The following AUTS2 variants were observed in gnomAD, a reference collection of about 807,000 sequenced individuals.
AUTS2 encodes activator of transcription and developmental regulator AUTS2, also known as autism susceptibility gene 2 protein.
AUTS2 carries 17 observed loss-of-function variants against 112.4 expected under a neutral mutation model. That is an observed-to-expected ratio of 0.15 (90% CI 0.10 to 0.23). AUTS2 has a LOEUF of 0.23. AUTS2 is among the 10% of genes least tolerant of loss of function. The pLI is 1.00. For synonymous variants in AUTS2, 751 were observed against 702.7 expected (o/e 1.07, Z -1.09); for missense variants, 1,510 against 1,701.6 (o/e 0.89, Z 1.98).
At chr7:69,813,443 T>C (rs1322047365) in intron 1 of AUTS2, among the ~76,000 whole-genome samples, 1 of 152,204 alleles carries the variant, frequency 6.6e-6, no homozygotes, top group Non-Finnish European at 1.5e-5. Flanking sequence ...GTTGGAGCAG[T>C]TGGGCACTGC....
intron 2 of AUTS2, among the ~76,000 whole-genome samples, chr7:69,949,953 G>T (rs1188682440): frequency 6.6e-6 from 1 of 152,112 alleles, no homozygotes; most frequent in African/African-American, 2.4e-5. Context: ...TCTTAACTCT[G>T]GTGTGTACTT....
chr7:69,661,299 G>C (rs1003572850), intron 1 of AUTS2, among the ~76,000 whole-genome samples: 1 of 152,202 alleles, frequency 6.6e-6, no homozygotes, highest in South Asian at 2.1e-4. Context: ...ATTGGATCAA[G>C]TTGACAATAA....
intron 4 of AUTS2, among the ~76,000 whole-genome samples, chr7:70,375,485 C>G (rs1423155128): frequency 6.6e-6 from 1 of 152,182 alleles, no homozygotes; most frequent in African/African-American, 2.4e-5. Flanking sequence ...TTACGTCCAA[C>G]TAGGTAGTAT....
chr7:70,690,464 A>G (rs982198655), intron 5 of AUTS2, among the ~76,000 whole-genome samples: 3 of 152,212 alleles, frequency 2.0e-5, no homozygotes, highest in African/African-American at 7.2e-5. Context: ...CACCTCAAGA[A>G]GCACACAGCA....
chr7:70,653,727 G>GAATGACTAA (rs1309121173), intron 5 of AUTS2, among the ~76,000 whole-genome samples: 1 of 152,220 alleles, frequency 6.6e-6, no homozygotes. Context: ...CTGAAAGGAT[G>GAATGACTAA]AATGACTAAA....
At chr7:70,445,980 T>C (rs909631027) in intron 5 of AUTS2, among the ~76,000 whole-genome samples, 1 of 152,186 alleles carries the variant, frequency 6.6e-6, no homozygotes, top group African/African-American at 2.4e-5. Flanking sequence ...GTCCAGAGCC[T>C]CATGAACCCC....
chr7:70,736,229 G>A lies in AUTS2; in HGVS notation c.743-26641G>A, dbSNP rs78598155. Reference sequence around the variant, plus strand: ...GATAGTTAGGTCTTCATCTTACACCGGAATAAATTCAATTGAACTGAAGAG... The same window carrying A: ...GATAGTTAGGTCTTCATCTTACACCAGAATAAATTCAATTGAACTGAAGAG... On this transcript the variant is annotated intron_variant, in intron 6 of 18. Coordinates refer to ENST00000342771, the MANE Select transcript of AUTS2 (RefSeq NM_015570.4). Among the ~76,000 whole-genome samples the A allele has an allele frequency of 9.1e-3, 1,383 of 151,644 alleles. 28 individuals carry two copies. The highest frequency in any genetic ancestry group is 0.032 in the African/African-American group (1,319 of 41,320).
chr7:70,070,538 C>T (rs1484733147), intron 2 of AUTS2, among the ~76,000 whole-genome samples: 1 of 148,736 alleles, frequency 6.7e-6, no homozygotes, highest in Non-Finnish European at 1.5e-5. Context: ...GAGATTGCGC[C>T]ACTGCACTTC....
chr7:70,218,865 C>T (rs1256394340), intron 4 of AUTS2, among the ~76,000 whole-genome samples: 4 of 151,886 alleles, frequency 2.6e-5, no homozygotes, highest in Non-Finnish European at 4.4e-5. Context: ...GTAGACCTAG[C>T]GATATGTACC....
chr7:69,860,669 A>AT lies in AUTS2; in HGVS notation c.310-38608dup, dbSNP rs147348713. ...CAAACACAAGGGCACATGTTGCTTA[A>AT]TTTTTTTTTCCCACATAACCCAACA... is the stretch of plus-strand genomic sequence containing the variant. On this transcript the variant is annotated intron_variant, in intron 1 of 18. Coordinates refer to ENST00000342771, the MANE Select transcript of AUTS2 (RefSeq NM_015570.4). Among the ~76,000 whole-genome samples, 253 of 151,538 alleles carry AT rather than the reference A, an allele frequency of 1.7e-3. 1 individual carries two copies. Among genetic ancestry groups the AT allele is most frequent in the African/African-American group, 5.9e-3 (242 of 41,314 alleles).
At chr7:69,889,241 C>T (rs139178689) in intron 1 of AUTS2, among the ~76,000 whole-genome samples, 139 of 152,288 alleles carry the variant, frequency 9.1e-4, no homozygotes, top group Non-Finnish European at 1.4e-3. Context: ...GTGTCCTCTA[C>T]TCTGTTCTCT....
chr7:70,105,914 C>T (rs1804743647), intron 2 of AUTS2, among the ~76,000 whole-genome samples: 2 of 152,104 alleles, frequency 1.3e-5, no homozygotes, highest in East Asian at 1.9e-4. Flanking sequence ...AAATTTTCAG[C>T]TTCTCATAAA....
chr7:70,572,336 G>C (rs749053860), intron 5 of AUTS2, among the ~76,000 whole-genome samples: 8 of 151,964 alleles, frequency 5.3e-5, no homozygotes, highest in Admixed American at 3.3e-4. Flanking sequence ...CAAATAGCCA[G>C]GTCCTGAAAC....
chr7:70,322,156 A>G (rs1790285519), intron 4 of AUTS2, among the ~76,000 whole-genome samples: 2 of 152,232 alleles, frequency 1.3e-5, no homozygotes, highest in East Asian at 1.9e-4. Flanking sequence ...CTCTGCTTGC[A>G]TTTGTGACTT....
chr7:70,699,928 GCTT>G (rs1171456434), intron 6 of AUTS2, among the ~76,000 whole-genome samples: 1 of 150,850 alleles, frequency 6.6e-6, no homozygotes. Flanking sequence ...CAAAGGCAGG[GCTT>G]CTTCGTTTCT....
chr7:70,357,939 C>A (rs1465170715), intron 4 of AUTS2, among the ~76,000 whole-genome samples: 2 of 151,894 alleles, frequency 1.3e-5, no homozygotes, highest in Non-Finnish European at 2.9e-5. Flanking sequence ...CAGAAACTGG[C>A]TTGGGAGGTG....
At chr7:70,147,019 T>G (rs2129575846) in intron 4 of AUTS2, among the ~76,000 whole-genome samples, 1 of 152,270 alleles carries the variant, frequency 6.6e-6, no homozygotes, top group East Asian at 1.9e-4. Context: ...ATTCTCATTT[T>G]TGGATACAGT....
chr7:69,989,161 C>A (rs1484409027), intron 2 of AUTS2, among the ~76,000 whole-genome samples: 1 of 152,186 alleles, frequency 6.6e-6, no homozygotes, highest in Non-Finnish European at 1.5e-5. Context: ...ATAGTCAAGA[C>A]TTGAATTTGG....
In AUTS2 at chr7:69,800,760, C is replaced by T. The variant is rs367915409; in HGVS notation, c.310-98526C>T. ...GGCCACATGTGACTAGGTCCCTGCCCACCTCTCCAGGGTCAAATAGATCTT... is the reference window on the plus strand; with the variant it reads ...GGCCACATGTGACTAGGTCCCTGCCTACCTCTCCAGGGTCAAATAGATCTT... On this transcript the variant is annotated intron_variant, in intron 1 of 18. Coordinates refer to ENST00000342771, the MANE Select transcript of AUTS2 (RefSeq NM_015570.4). Among the ~76,000 whole-genome samples the T allele has an allele frequency of 9.2e-5, 14 of 152,230 alleles. No individual in the cohort carries two copies. The East Asian group carries it at 2.1e-3, about 23-fold the overall frequency.
Sources: allele counts gnomAD v4.1 joint callset (sites outside exome capture counted in the v4.1 genomes callset), GRCh38; gene constraint gnomAD v4.1.1; transcripts MANE v1.5; gene names NCBI Gene and HGNC (gene_info 2026-07-23, HGNC 2026-07-21).